Variants in NKAIN2 observed in about 807,000 individuals in gnomAD.
NKAIN2 encodes the protein sodium/potassium-transporting ATPase subunit beta-1-interacting protein 2.
A neutral mutation model predicts 32.6 loss-of-function variants in NKAIN2; 14 were observed. That is an observed-to-expected ratio of 0.43 (90% CI 0.28 to 0.67). The LOEUF (loss-of-function observed/expected upper bound fraction) is 0.67. Among genes scored for constraint, NKAIN2 ranks in the 30% least tolerant of loss-of-function variants. NKAIN2 has a pLI of 0.17. For synonymous variants in NKAIN2, 80 were observed against 87.2 expected, an observed-to-expected ratio of 0.92 and a Z score of 0.46; for missense variants, 198 against 258.3, an observed-to-expected ratio of 0.77 and a Z score of 1.60.
Position 123,976,310 on chromosome 6 carries a change from TCCA to T in NKAIN2, c.54+172057_54+172059del, listed in dbSNP as rs1562287389. 4.8e-3 allele frequency among the ~76,000 whole-genome samples: 322 copies of T among 67,664 alleles called. 69 individuals are homozygous for T. Among genetic ancestry groups the T allele is most frequent in the Non-Finnish European group, 8.1e-3 (258 of 31,758 alleles). 44.4% of individuals were successfully genotyped at this position (67,664 alleles called of 152,430 possible). A position where few individuals can be genotyped will look rare whatever the true frequency, so the allele number is the denominator to read the frequency against. On this transcript the variant is annotated intron_variant, in intron 1 of 6. Transcript: ENST00000368417. ...ATATATATGTTTCCATATATATGTT[TCCA>T]TATATATATATGTTCCCATATATAT... is the stretch of plus-strand genomic sequence containing the variant.
chr6:124,729,866 G>A (rs569406083), intron 4 of NKAIN2, among the ~76,000 whole-genome samples: 2 of 151,664 alleles, frequency 1.3e-5, no homozygotes, highest in African/African-American at 2.4e-5. Context: ...CAAAGTCTTA[G>A]GATACAAAAT....
At chr6:124,191,404 A>T (rs527863741) in intron 1 of NKAIN2, among the ~76,000 whole-genome samples, 70 of 152,114 alleles carry the variant, frequency 4.6e-4, no homozygotes, top group African/African-American at 1.6e-3. Context: ...AATTTAATTT[A>T]AAAAGTTTAT....
intron 1 of NKAIN2, among the ~76,000 whole-genome samples, chr6:123,865,573 T>C (rs9401704): frequency 0.039 from 5,925 of 152,320 alleles, 204 homozygotes; most frequent in East Asian, 0.12. Context: ...TTTTATTCTA[T>C]GTGTAAACTA....
At chr6:124,703,046 G>C (rs1365103311) in intron 4 of NKAIN2, among the ~76,000 whole-genome samples, 2 of 151,978 alleles carry the variant, frequency 1.3e-5, no homozygotes, top group African/African-American at 4.8e-5. Context: ...TGCAAAAAAA[G>C]GGCATTACTA....
chr6:124,092,900 T>G (rs1784493771), intron 1 of NKAIN2, among the ~76,000 whole-genome samples: 1 of 152,082 alleles, frequency 6.6e-6, no homozygotes, highest in African/African-American at 2.4e-5. Flanking sequence ...CTTCAGCACT[T>G]TGGCTTGATT....
chr6:124,002,450 T>G (rs1014047167), intron 1 of NKAIN2, among the ~76,000 whole-genome samples: 1 of 120,834 alleles, frequency 8.3e-6, no homozygotes, highest in African/African-American at 4.2e-5. Flanking sequence ...TATCTGTCCC[T>G]TTTTTTTTCC....
intron 2 of NKAIN2, among the ~76,000 whole-genome samples, chr6:124,311,776 C>G (rs77454648): frequency 2.0e-5 from 3 of 152,110 alleles, no homozygotes; most frequent in Non-Finnish European, 4.4e-5. Flanking sequence ...GACCTGGTTG[C>G]AGAAAAGAGA....
At chr6:124,079,059 T>C (rs1783830620) in intron 1 of NKAIN2, among the ~76,000 whole-genome samples, 1 of 152,112 alleles carries the variant, frequency 6.6e-6, no homozygotes, top group African/African-American at 2.4e-5. Flanking sequence ...CAGTGGATTA[T>C]GCCTGTAATC....
chr6:124,007,767 A>C (rs1196410026), intron 1 of NKAIN2, among the ~76,000 whole-genome samples: 1 of 152,174 alleles, frequency 6.6e-6, no homozygotes, highest in Non-Finnish European at 1.5e-5. Context: ...GATACTTTGC[A>C]TCCCTTAGAC....
chr6:124,128,119 G>T (rs540492418), intron 1 of NKAIN2, among the ~76,000 whole-genome samples: 1 of 152,216 alleles, frequency 6.6e-6, no homozygotes, highest in South Asian at 2.1e-4. Context: ...GTGAGCCACC[G>T]TGCCTGGCCC....
chr6:124,461,663 C>A (rs1776536805), intron 3 of NKAIN2, among the ~76,000 whole-genome samples: 1 of 151,600 alleles, frequency 6.6e-6, no homozygotes, highest in Admixed American at 6.6e-5. Flanking sequence ...TCATCAAAAC[C>A]ATTGAGAATG....
chr6:124,650,062 A>G (rs570388639), intron 3 of NKAIN2, among the ~76,000 whole-genome samples: 31 of 152,342 alleles, frequency 2.0e-4, no homozygotes, highest in African/African-American at 7.0e-4. Flanking sequence ...AGTGAGAACT[A>G]GAAGCTTTTC....
intron 3 of NKAIN2, among the ~76,000 whole-genome samples, chr6:124,420,358 A>G (rs1774691183): frequency 6.6e-6 from 1 of 152,154 alleles, no homozygotes; most frequent in Admixed American, 6.5e-5. Flanking sequence ...TACTTTTCAA[A>G]TGAAAATTAC....
At chr6:124,344,521 T>C (rs9385322) in intron 2 of NKAIN2, among the ~76,000 whole-genome samples, 1 of 150,110 alleles carries the variant, frequency 6.7e-6, no homozygotes, top group East Asian at 2.0e-4. Context: ...GCAGTGGTTT[T>C]TAGTTCTCCT....
At position 123,853,451 on chromosome 6, in the gene NKAIN2, G is replaced by A. The variant is rs139215123; in HGVS notation, c.54+49197G>A. Among the ~76,000 whole-genome samples the A allele has an allele frequency of 6.6e-4, 101 of 152,104 alleles. No homozygotes were observed. In the East Asian group the frequency reaches 0.017, roughly 26 times the overall value. ...AGCAGAGAATTAGACCTGACATTTC[G>A]GTCATTCATTCTACAAACATTTATT... On this transcript the variant is annotated intron_variant, in intron 1 of 6. Transcript: ENST00000368417.
chr6:124,379,517 C>G lies in NKAIN2; in HGVS notation c.273+24170C>G, dbSNP rs138804010. 4.3e-3 allele frequency among the ~76,000 whole-genome samples: 661 copies of G among 151,960 alleles called. 4 individuals carry two copies. Among genetic ancestry groups the G allele is most frequent in the African/African-American group, 0.015 (627 of 41,468 alleles). ...AATAGTGCAAGTGCTTTCTTTTTTT[C>G]TGAATTGGCCCCGATACAGGTTTTA... On this transcript the variant is annotated intron_variant, in intron 3 of 6. Transcript: ENST00000368417.
At chr6:123,863,504 CCTT>C (rs1775867887) in intron 1 of NKAIN2, among the ~76,000 whole-genome samples, 1 of 152,118 alleles carries the variant, frequency 6.6e-6, no homozygotes, top group South Asian at 2.1e-4. Context: ...TCTTCTCAGC[CCTT>C]CTTGGAGTTT....
rs532196662 is a variant in NKAIN2 at position 124,422,567 on chromosome 6, C to G, written c.273+67220C>G. ...AATTTACAAGTGAGATTACCACACT[C>G]AAATTTGGCTTAATAGATTATTCAT... On this transcript the variant is annotated intron_variant, in intron 3 of 6. Coordinates refer to ENST00000368417, the MANE Select transcript of NKAIN2 (RefSeq NM_001040214.3). Among the ~76,000 whole-genome samples, 6 of 152,214 alleles carry G rather than the reference C, an allele frequency of 3.9e-5. No individual in the cohort carries two copies. In the South Asian group the frequency reaches 1.2e-3, roughly 31 times the overall value.
chr6:123,992,896 A>G (rs189207750), intron 1 of NKAIN2, among the ~76,000 whole-genome samples: 3 of 152,300 alleles, frequency 2.0e-5, no homozygotes, highest in East Asian at 1.9e-4. Context: ...AAAAATAGCT[A>G]TATGTCAAAA....
Sources: gnomAD v4.1 joint callset for allele counts (sites outside exome capture counted in the v4.1 genomes callset) on GRCh38, gnomAD v4.1.1 for gene constraint, MANE v1.5 for transcripts, NCBI Gene and HGNC (gene_info 2026-07-23, HGNC 2026-07-21) for gene names.